Variants in GALNT9 observed in about 807,000 individuals in gnomAD.
The protein encoded by GALNT9 is polypeptide N-acetylgalactosaminyltransferase 9, also known as GalNAc transferase 9.
A neutral mutation model predicts 63.1 loss-of-function variants in GALNT9; 47 were observed. That is an observed-to-expected ratio of 0.75 (90% CI 0.59 to 0.95). The LOEUF (loss-of-function observed/expected upper bound fraction) is 0.95. GALNT9 is among the 40% of genes least tolerant of loss of function. GALNT9 has a pLI of 0.00. For synonymous variants in GALNT9, 396 were observed against 365.7 expected (o/e 1.08, Z -0.94); for missense variants, 829 against 874.8 (o/e 0.95, Z 0.66).
rs576947510 is a variant in GALNT9 at position 132,210,346 on chromosome 12, T to C, written c.1078-6656A>G. 5.3e-5 allele frequency among the ~76,000 whole-genome samples: 8 copies of C among 152,314 alleles called. No individual in the cohort carries two copies. In the East Asian group the frequency reaches 1.5e-3, roughly 29 times the overall value. On this transcript the variant is annotated intron_variant, in intron 6 of 10. Transcript: ENST00000328957. ...AGGCCGTCCCGTGAAGTCGGACCTG[T>C]TCTTCTGGTCAAGGCAAGCAAAGCA...
intron 6 of GALNT9, among the ~76,000 whole-genome samples, chr12:132,207,148 C>T (rs1876743315): frequency 6.6e-6 from 1 of 152,214 alleles, no homozygotes; most frequent in Non-Finnish European, 1.5e-5. Context: ...TTTAGAGCCG[C>T]CGTCCTTGCC....
chr12:132,329,427 G>A lies in GALNT9; in HGVS notation c.-224C>T, dbSNP rs1457292594. The A allele has an allele frequency of 6.9e-5, 29 of 421,324 alleles. No individual in the cohort carries two copies. Among genetic ancestry groups the A allele is most frequent in the African/African-American group, 5.5e-4 (26 of 47,536 alleles). 26.1% of individuals were successfully genotyped at this position (421,324 alleles called of 1,614,324 possible). A position where few individuals can be genotyped will look rare whatever the true frequency, so the allele number is the denominator to read the frequency against. On this transcript the variant is annotated 5_prime_UTR_variant, in exon 1 of 11. Transcript: ENST00000328957. ...GCCCGGGGCTGGGGTCGCGGGGCGC[G>A]GCCGGCATCCCCCGCTCAGAGGGCG... is the stretch of plus-strand genomic sequence containing the variant.
intron 2 of GALNT9, among the ~76,000 whole-genome samples, chr12:132,285,585 C>T (rs555610930): frequency 1.2e-4 from 18 of 152,350 alleles, no homozygotes; most frequent in African/African-American, 3.8e-4. Flanking sequence ...GCGCAGGCCA[C>T]GGATGGAACG....
At chr12:132,229,142 A>G (rs1472982055) in intron 6 of GALNT9, among the ~76,000 whole-genome samples, 1 of 152,134 alleles carries the variant, frequency 6.6e-6, no homozygotes, top group Non-Finnish European at 1.5e-5. Flanking sequence ...GCCCTTGCCA[A>G]TCCCTCTGCT....
At chr12:132,304,758 C>T (rs1417998490) in intron 1 of GALNT9, among the ~76,000 whole-genome samples, 2 of 55,506 alleles carry the variant, frequency 3.6e-5, no homozygotes, top group Non-Finnish European at 6.7e-5. Context: ...CAGCCTCGCC[C>T]GGGCACACCC....
At chr12:132,226,370 A>G (rs1877687425) in intron 6 of GALNT9, among the ~76,000 whole-genome samples, 2 of 149,680 alleles carry the variant, frequency 1.3e-5, no homozygotes, top group African/African-American at 5.0e-5. Flanking sequence ...CACATCCCAC[A>G]CACTGTACAT....
chr12:132,210,778 C>T (rs916775273), intron 6 of GALNT9, among the ~76,000 whole-genome samples: 1 of 151,776 alleles, frequency 6.6e-6, no homozygotes, highest in East Asian at 1.9e-4. Flanking sequence ...GGCTTGGTCG[C>T]CATCTGGAGG....
intron 5 of GALNT9, among the ~76,000 whole-genome samples, chr12:132,251,157 A>G (rs946634148): frequency 1.3e-5 from 2 of 152,370 alleles, no homozygotes; most frequent in South Asian, 4.1e-4. Flanking sequence ...CCACAAACGC[A>G]TGGAAACATC....
In GALNT9 at chr12:132,286,454, G is replaced by T; in HGVS notation, c.239-24C>A. The T allele has an allele frequency of 1.3e-6, 2 of 1,541,892 alleles. No homozygotes were observed. The highest frequency in any genetic ancestry group is 1.7e-6 in the Non-Finnish European group (2 of 1,143,510). On this transcript the variant is annotated intron_variant, in intron 1 of 10. Transcript: ENST00000328957. This position sits in a 1 kb window ranked among gnomAD's most constrained non-coding sequence, Gnocchi z 7.4. ...GCCTGGGGGAAAGGAAGAGAGGGAGGTCAGGCAGGCCCAGGACACGCTGCG... is the reference window on the plus strand; with the variant it reads ...GCCTGGGGGAAAGGAAGAGAGGGAGTTCAGGCAGGCCCAGGACACGCTGCG...
chr12:132,235,092 TGCCA>T (rs1877949075), intron 6 of GALNT9, among the ~76,000 whole-genome samples: 4 of 84,588 alleles, frequency 4.7e-5, no homozygotes, highest in Non-Finnish European at 8.8e-5. Flanking sequence ...GAGTCCCTAG[TGCCA>T]CACACTCGAT....
At chr12:132,201,421 G>A in intron 7 of GALNT9, 160 bp from the exon 8 acceptor site, 1 of 600,286 alleles carries the variant, frequency 1.7e-6, no homozygotes, top group Non-Finnish European at 3.0e-6. Context: ...GGACCCCCCA[G>A]CCTCCTAATA....
chr12:132,216,008 C>A (rs145436975), intron 6 of GALNT9, among the ~76,000 whole-genome samples: 6 of 152,060 alleles, frequency 3.9e-5, no homozygotes, highest in African/African-American at 1.4e-4. Flanking sequence ...GGAAGGGAGA[C>A]GGTGGCGGGG....
intron 1 of GALNT9, among the ~76,000 whole-genome samples, chr12:132,287,581 G>A (rs1880649936): frequency 6.6e-6 from 1 of 152,158 alleles, no homozygotes; most frequent in Non-Finnish European, 1.5e-5. Flanking sequence ...ATCCCGTGTG[G>A]CCGCCGGCGT....
intron 2 of GALNT9, among the ~76,000 whole-genome samples, chr12:132,272,513 C>T (rs782010858): frequency 3.3e-5 from 5 of 152,172 alleles, no homozygotes; most frequent in Non-Finnish European, 5.9e-5. Flanking sequence ...CTGTGTTTTC[C>T]GCAGGAGAAT....
chr12:132,214,248 G>C (rs1179271193), intron 6 of GALNT9, among the ~76,000 whole-genome samples: 1 of 152,180 alleles, frequency 6.6e-6, no homozygotes, highest in South Asian at 2.1e-4. Flanking sequence ...CAGCGACTCC[G>C]CCCTCCCTCA....
chr12:132,198,239 A>T (rs1164618050), intron 9 of GALNT9, among the ~76,000 whole-genome samples: 1 of 152,256 alleles, frequency 6.6e-6, no homozygotes, highest in Non-Finnish European at 1.5e-5. Flanking sequence ...AATGTGGCTC[A>T]GACCCAGAGC....
In GALNT9 at chr12:132,203,889, T is replaced by C. The variant is rs142123620; in HGVS notation, c.1078-199A>G. Among the ~76,000 whole-genome samples the C allele has an allele frequency of 3.3e-5, 5 of 151,902 alleles. No individual in the cohort carries two copies. In the East Asian group the frequency reaches 9.7e-4, roughly 30 times the overall value. On this transcript the variant is annotated intron_variant, in intron 6 of 10. Coordinates refer to ENST00000328957, the MANE Select transcript of GALNT9 (RefSeq NM_001122636.2). ...ACCCCGCCCACAGAGAAAGTTCAGG[T>C]CTGGGTTGCGTCCTCTCTGGGACTT...
intron 2 of GALNT9, among the ~76,000 whole-genome samples, chr12:132,281,123 C>G (rs983047642): frequency 1.3e-4 from 20 of 152,230 alleles, no homozygotes; most frequent in African/African-American, 4.3e-4. Flanking sequence ...ACTCGCTGAG[C>G]CGCGCCGGGA....
chr12:132,237,239 G>T (rs1044020493), intron 6 of GALNT9, among the ~76,000 whole-genome samples: 1 of 152,068 alleles, frequency 6.6e-6, no homozygotes, highest in Admixed American at 6.5e-5. Context: ...GCTGCCCCAG[G>T]CCACCTGATC....
Sources: allele counts gnomAD v4.1 joint callset (sites outside exome capture counted in the v4.1 genomes callset), GRCh38; gene constraint gnomAD v4.1.1; non-coding constraint Gnocchi (gnomAD v3.1); transcripts MANE v1.5; gene names NCBI Gene and HGNC (gene_info 2026-07-23, HGNC 2026-07-21).